NRDE2: variants seen among roughly 807,000 people sequenced by gnomAD.
The protein encoded by NRDE2 is nuclear exosome regulator NRDE2.
NRDE2 carries 76 observed loss-of-function variants against 124.2 expected under a neutral mutation model. The ratio of observed to expected loss-of-function variants is 0.61; its 90% CI spans 0.51 to 0.74. The LOEUF (loss-of-function observed/expected upper bound fraction) is 0.74, where lower values mean the gene tolerates loss of function less well. Ranked by LOEUF, NRDE2 falls within the 30% of genes least tolerant of loss-of-function variation. The pLI is 0.00. For missense variants in NRDE2, 1,314 were observed against 1,417.3 expected (o/e 0.93, Z 1.17); for synonymous variants, 489 against 528.1 (o/e 0.93, Z 1.01).
Position 90,317,904 on chromosome 14 carries a change from A to G in NRDE2, c.173+101T>C, listed in dbSNP as rs1363433979. 8 of 754,578 alleles carry G rather than the reference A, an allele frequency of 1.1e-5. No homozygotes were observed. In the East Asian group the frequency reaches 2.0e-4, roughly 19 times the overall value. 46.7% of individuals were successfully genotyped at this position (754,578 alleles called of 1,614,324 possible). A position where few individuals can be genotyped will look rare whatever the true frequency, so the allele number is the denominator to read the frequency against. ...CCTTATTACTTTAAGTAAGAGTTTT[A>G]CATACCTCTTTTATTAGAGTTTTCT... is the stretch of plus-strand genomic sequence containing the variant. On this transcript the variant is annotated intron_variant, in intron 2 of 13. Coordinates refer to ENST00000354366, the MANE Select transcript of NRDE2 (RefSeq NM_017970.4).
rs2139674822 is a variant in NRDE2 at position 90,288,915 on chromosome 14, G to T, written c.2460C>A (p.Leu820=). Residue 820 remains leucine, a synonymous_variant, in exon 11 of 14, where the codon CTC becomes CTA. Coordinates refer to ENST00000354366, the MANE Select transcript of NRDE2 (RefSeq NM_017970.4). ...AGSRELKDSD[L]CELSLLYAEL... ...CAGCATAGAGCAGACTGAGCTCACA[G>T]AGGTCAGAGTCTTTCAGTTCTCTGC... The T allele has an allele frequency of 6.2e-7, 1 of 1,613,992 alleles. No homozygotes were observed. The highest frequency in any genetic ancestry group is 1.7e-5 in the Admixed American group (1 of 60,022).
rs1462317382 is a variant in NRDE2 at position 90,268,328 on chromosome 14, C to T, written c.*10008G>A. ...GAAGTACCTAGGTGATGGGCCCAAA[C>T]TCGTACGGGAATTGTTCCGAGTTGC... On this transcript the variant is annotated 3_prime_UTR_variant, in exon 14 of 14. Coordinates refer to ENST00000354366, the MANE Select transcript of NRDE2 (RefSeq NM_017970.4). 6.2e-7 allele frequency: 1 copy of T among 1,613,654 alleles called. No homozygotes were observed. Among genetic ancestry groups the T allele is most frequent in the Non-Finnish European group, 8.5e-7 (1 of 1,179,626 alleles).
rs778011988 is a variant in NRDE2 at position 90,304,237 on chromosome 14, C to G, written c.703G>C (p.Asp235His). Reference sequence around the variant, plus strand: ...GTTTTACTGCTAATGGCAACTCCATCGATGTTCATTAATCCCACACTCTTC... The same window carrying G: ...GTTTTACTGCTAATGGCAACTCCATGGATGTTCATTAATCCCACACTCTTC... ...TKKSVGLMNIDGVAISSKTEP... is the reference protein window; with the variant it reads ...TKKSVGLMNIHGVAISSKTEP... Residue 235 changes from aspartate (D) to histidine (H), a missense_variant, in exon 5 of 14, where the codon GAT (aspartate) becomes CAT (histidine). Physicochemically the swap from Asp to His is moderately conservative, Grantham distance 81. Transcript: ENST00000354366. 1.2e-6 allele frequency: 2 copies of G among 1,614,128 alleles called. No homozygotes were observed. Among genetic ancestry groups the G allele is most frequent in the Non-Finnish European group, 1.7e-6 (2 of 1,180,038 alleles).
At chr14:90,292,632 C>T in intron 9 of NRDE2, 65 bp downstream of exon 9, 1 of 1,547,592 alleles carries the variant, frequency 6.5e-7, no homozygotes. Flanking sequence ...AACCAAAGCG[C>T]ATGGGAATGG....
Position 90,290,521 on chromosome 14 carries a change from G to A in NRDE2, c.1929C>T (p.Phe643=). 6.2e-7 allele frequency: 1 copy of A among 1,613,964 alleles called. No individual in the cohort carries two copies. Among genetic ancestry groups the A allele is most frequent in the African/African-American group, 1.3e-5 (1 of 75,014 alleles). The part of the protein sequence containing the change: ...QFQLVEAFLQ[F]LGVPSGFTPP... ...GAGTAAAGCCAGAAGGCACACCCAA[G>A]AACTGCAGGAAGGCCTCCACCAGCT... Residue 643 remains phenylalanine, a synonymous_variant, in exon 10 of 14, where the codon TTC becomes TTT. Coordinates refer to ENST00000354366, the MANE Select transcript of NRDE2 (RefSeq NM_017970.4).
Position 90,288,764 on chromosome 14 carries a change from T to C in NRDE2, c.2611A>G (p.Ile871Val). 6.2e-7 allele frequency: 1 copy of C among 1,614,080 alleles called. No individual in the cohort carries two copies. Among genetic ancestry groups the C allele is most frequent in the African/African-American group, 1.3e-5 (1 of 75,054 alleles). ...TCATAAGCCTTTCGCGCTTTCAAAATGTGAACAGCCAACACCTGTCCAGTG... is the reference window on the plus strand; with the variant it reads ...TCATAAGCCTTTCGCGCTTTCAAAACGTGAACAGCCAACACCTGTCCAGTG... ...PYTGQVLAVH[I>V]LKARKAYEHA... is the part of the protein sequence containing the mutation. The change falls in exon 11 of 14, where the codon ATT becomes GTT. Residue 871 changes from isoleucine (I) to valine (V), a missense_variant. Ile to Val is a conservative substitution (Grantham distance 29). Coordinates refer to ENST00000354366, the MANE Select transcript of NRDE2 (RefSeq NM_017970.4).
At position 90,275,331 on chromosome 14, in the gene NRDE2, ACT is replaced by A. The variant is rs1236772518; in HGVS notation, c.*3003_*3004del. Reference sequence around the variant, plus strand: ...TGTCTGTATCGTGGGCGGGTAGCAGACTCTCAGCAACTGACTCACACGGTTCA... The same window carrying A: ...TGTCTGTATCGTGGGCGGGTAGCAGACTCAGCAACTGACTCACACGGTTCA... On this transcript the variant is annotated 3_prime_UTR_variant, in exon 14 of 14. Transcript: ENST00000354366. 2 of 151,748 alleles carry A rather than the reference ACT, an allele frequency of 1.3e-5. No individual in the cohort carries two copies. Among genetic ancestry groups the A allele is most frequent in the African/African-American group, 2.4e-5 (1 of 41,256 alleles). The allele number at this position is 151,748 out of a possible 1,614,324, so 9.4% of individuals were successfully genotyped here.
At chr14:90,316,991 T>C (rs1385721358) in intron 2 of NRDE2, among the ~76,000 whole-genome samples, 180 bp from the exon 3 acceptor site, 2 of 152,342 alleles carry the variant, frequency 1.3e-5, no homozygotes, top group East Asian at 1.9e-4. Flanking sequence ...GACTTAGGAA[T>C]TGGATCTAAA....
Position 90,272,518 on chromosome 14 carries a change from C to T in NRDE2, c.*5818G>A. The T allele has an allele frequency of 1.5e-6, 1 of 684,090 alleles. No individual in the cohort carries two copies. Among genetic ancestry groups the T allele is most frequent in the Non-Finnish European group, 2.4e-6 (1 of 408,296 alleles). The allele number at this position is 684,090 out of a possible 1,614,324, so 42.4% of individuals were successfully genotyped here. A position where few individuals can be genotyped will look rare whatever the true frequency, so the allele number is the denominator to read the frequency against. On this transcript the variant is annotated 3_prime_UTR_variant, in exon 14 of 14. Transcript: ENST00000354366. This position sits in a 1 kb window ranked among gnomAD's most constrained non-coding sequence, Gnocchi z 4.5. ...CCCTGTTCCCACTGATTTTTATTAG[C>T]AAAACATCCTGTGTCTTTTGGAGTA...
chr14:90,285,827 G>A (rs1169444612), intron 12 of NRDE2, among the ~76,000 whole-genome samples: 2 of 151,852 alleles, frequency 1.3e-5, no homozygotes, highest in South Asian at 2.1e-4. Context: ...TAGAGATGGG[G>A]TATCACCATC....
Position 90,274,859 on chromosome 14 carries a change from T to C in NRDE2, c.*3477A>G, listed in dbSNP as rs990780729. 6.7e-6 allele frequency: 1 copy of C among 150,004 alleles called. No individual in the cohort carries two copies. 9.3% of individuals were successfully genotyped at this position (150,004 alleles called of 1,614,324 possible). On this transcript the variant is annotated 3_prime_UTR_variant, in exon 14 of 14. Transcript: ENST00000354366. ...ACACACCCCAATACATATGAATTGA[T>C]CTGAAAGTTTGCTGAGGAAGGGGTA... is the stretch of plus-strand genomic sequence containing the variant.
chr14:90,285,911 A>C (rs1456107025), intron 12 of NRDE2, among the ~76,000 whole-genome samples: 5 of 152,226 alleles, frequency 3.3e-5, no homozygotes, highest in African/African-American at 1.2e-4. Context: ...CTGGGACTAC[A>C]GGCCTGAACC....
chr14:90,327,968 C>A (rs1359577827), intron 1 of NRDE2, among the ~76,000 whole-genome samples: 1 of 152,072 alleles, frequency 6.6e-6, no homozygotes, highest in South Asian at 2.1e-4. Context: ...ATGGTGAAAC[C>A]CCCTATCTAC....
intron 8 of NRDE2, 149 bp downstream of exon 8, chr14:90,298,111 G>T (rs934718202): frequency 1.1e-5 from 9 of 826,530 alleles, no homozygotes; most frequent in Non-Finnish European, 1.7e-5. Flanking sequence ...GGGAACCCAT[G>T]ACATCTACTT....
chr14:90,298,500 C>G (rs1884266431), intron 7 of NRDE2, 120 bp from the exon 8 acceptor site: 1 of 1,070,316 alleles, frequency 9.3e-7, no homozygotes, highest in African/African-American at 1.6e-5. Flanking sequence ...TGTTTGCCAT[C>G]AGTCTTTGAA....
intron 4 of NRDE2, among the ~76,000 whole-genome samples, chr14:90,311,124 T>C (rs1408505035): frequency 6.6e-6 from 1 of 152,164 alleles, no homozygotes. Context: ...GAAATGGACA[T>C]TTATTTCACA....
intron 8 of NRDE2, among the ~76,000 whole-genome samples, chr14:90,293,156 C>T (rs979981651): frequency 2.6e-5 from 4 of 152,138 alleles, no homozygotes; most frequent in Admixed American, 2.6e-4. Context: ...ACAGAACTCG[C>T]TGTGATGATG....
chr14:90,285,332 C>T (rs1338308888), intron 12 of NRDE2, among the ~76,000 whole-genome samples: 2 of 127,254 alleles, frequency 1.6e-5, no homozygotes, highest in Admixed American at 8.8e-5. Context: ...GACGGAGTCT[C>T]ACTCTGTCGT....
rs1423971689 is a variant in NRDE2, at chr14:90,316,738, T to C, written c.247A>G (p.Lys83Glu). ...KKLKQTSRKKKKEKKKKRKHQ... is the reference protein window; with the variant it reads ...KKLKQTSRKKEKEKKKKRKHQ... ...TTCCTTTTTTTCTTTTTCTCTTTCT[T>C]CTTTTTTCTACTTGTTTGTTTGAGC... is the stretch of plus-strand genomic sequence containing the variant. The change falls in exon 3 of 14, where the codon AAG becomes GAG. Residue 83 changes from lysine to glutamate, a missense_variant. Physicochemically the swap from Lys to Glu is moderately conservative, Grantham distance 56. Transcript: ENST00000354366. 6.2e-7 allele frequency: 1 copy of C among 1,613,686 alleles called. No individual in the cohort carries two copies. Among genetic ancestry groups the C allele is most frequent in the Admixed American group, 1.7e-5 (1 of 59,954 alleles).
Sources: allele counts gnomAD v4.1 joint callset (sites outside exome capture counted in the v4.1 genomes callset), GRCh38; gene constraint gnomAD v4.1.1; non-coding constraint Gnocchi (gnomAD v3.1); transcripts MANE v1.5; gene names NCBI Gene and HGNC (gene_info 2026-07-23, HGNC 2026-07-21).